The following SLC25A42 variants were observed in gnomAD, a reference collection of about 807,000 sequenced individuals.
SLC25A42 encodes solute carrier family 25 member 42.
In SLC25A42, 19 loss-of-function variants were observed where a neutral mutation model predicts 34.7. The ratio of observed to expected loss-of-function variants is 0.55; its 90% CI spans 0.38 to 0.80. The LOEUF is 0.80. Ranked by LOEUF, SLC25A42 falls within the 30% of genes least tolerant of loss-of-function variation. SLC25A42 has a pLI of 0.00. For missense variants in SLC25A42, 364 were observed against 441.3 expected (o/e 0.82, Z 1.57); for synonymous variants, 205 against 191.2 (o/e 1.07, Z -0.59).
At chr19:19,080,258 G>A (rs1230121280) in intron 1 of SLC25A42, among the ~76,000 whole-genome samples, 1 of 152,144 alleles carries the variant, frequency 6.6e-6, no homozygotes, top group Non-Finnish European at 1.5e-5. Flanking sequence ...CTGCCTTCAA[G>A]TTCACAATGG....
chr19:19,101,781 C>A lies in SLC25A42; in HGVS notation c.82C>A (p.Arg28Ser). The change falls in exon 3 of 8, where the codon CGT becomes AGT. Residue 28 changes from arginine (R) to serine (S), a missense_variant and splice_region_variant. By Grantham distance (110) the Arg-to-Ser change is moderately radical (BLOSUM62 -1). Transcript: ENST00000318596. ...AVLSSSVSSK[R>S]DHRQVLSSLL... ...CCTCTGATCACATGTTCTGTTGCAGCGTGACCACAGGCAAGTGCTCAGCTC... is the reference window on the plus strand; with the variant it reads ...CCTCTGATCACATGTTCTGTTGCAGAGTGACCACAGGCAAGTGCTCAGCTC... 1 of 1,610,452 alleles carries A rather than the reference C, an allele frequency of 6.2e-7. No homozygotes were observed. The highest frequency in any genetic ancestry group is 8.5e-7 in the Non-Finnish European group (1 of 1,178,522).
rs772439531 is a variant in SLC25A42 at position 19,105,706 on chromosome 19, G to A, written c.359G>A (p.Ser120Asn). ...AHEEYKRILG[S>N]YYGFRGEALP... Reference sequence around the variant, plus strand: ...GAGGAGTACAAGCGCATCCTGGGCAGCTACTATGGCTTCCGTGGAGAGTGA... The same window carrying A: ...GAGGAGTACAAGCGCATCCTGGGCAACTACTATGGCTTCCGTGGAGAGTGA... Residue 120 changes from serine (S) to asparagine (N), a missense_variant, in exon 5 of 8, where the codon AGC becomes AAC. Coordinates refer to ENST00000318596, the MANE Select transcript of SLC25A42 (RefSeq NM_178526.5). 5 of 1,595,796 alleles carry A rather than the reference G, an allele frequency of 3.1e-6. No individual in the cohort carries two copies. The highest frequency in any genetic ancestry group is 2.3e-5 in the East Asian group (1 of 44,094).
chr19:19,094,166 C>A (rs768692360), intron 1 of SLC25A42, among the ~76,000 whole-genome samples: 3 of 152,212 alleles, frequency 2.0e-5, no homozygotes, highest in Non-Finnish European at 4.4e-5. Flanking sequence ...AGACTGCACT[C>A]TTTGGAAAGA....
intron 2 of SLC25A42, among the ~76,000 whole-genome samples, chr19:19,097,560 TGCCCATTCTCCTCTGTACTGGCAG>T (rs1204553039): frequency 6.6e-6 from 1 of 152,196 alleles, no homozygotes; most frequent in African/African-American, 2.4e-5. Flanking sequence ...CACACACACA[TGCCCATTCTCCTCTGTACTGGCAG>T]GCCCCAACAA....
chr19:19,088,797 C>CT (rs556351502), intron 1 of SLC25A42, among the ~76,000 whole-genome samples: 3,497 of 146,738 alleles, frequency 0.024, 127 homozygotes, highest in African/African-American at 0.082. Context: ...TGCGCCCGGC[C>CT]TTTTTTTTTT....
Position 19,111,863 on chromosome 19 carries a change from G to T in SLC25A42, c.*987G>T, listed in dbSNP as rs534792991. 2 of 152,354 alleles carry T rather than the reference G, an allele frequency of 1.3e-5. No individual in the cohort carries two copies. Among genetic ancestry groups the T allele is most frequent in the East Asian group, 3.9e-4 (2 of 5,172 alleles). 9.4% of individuals were successfully genotyped at this position (152,354 alleles called of 1,614,324 possible). A position where few individuals can be genotyped will look rare whatever the true frequency, so the allele number is the denominator to read the frequency against. On this transcript the variant is annotated 3_prime_UTR_variant, in exon 8 of 8. Transcript: ENST00000318596. ...ATTTAAAGCCCACAGGGGTTGTTCA[G>T]TTTCTATGAAATGGAGCATGGGGTG...
chr19:19,096,259 AC>A (rs932463241), intron 2 of SLC25A42, 54 bp downstream of exon 2: 25 of 1,097,280 alleles, frequency 2.3e-5, no homozygotes, highest in Non-Finnish European at 2.7e-5. Context: ...CAGCCTCCCC[AC>A]CCCCCCTCCC....
chr19:19,083,486 C>T (rs1301494321), intron 1 of SLC25A42, among the ~76,000 whole-genome samples: 7 of 152,210 alleles, frequency 4.6e-5, no homozygotes, highest in Non-Finnish European at 8.8e-5. Flanking sequence ...GGAAGTCACC[C>T]CAAATGTCAG....
At chr19:19,083,289 C>T (rs939151909) in intron 1 of SLC25A42, among the ~76,000 whole-genome samples, 4 of 152,194 alleles carry the variant, frequency 2.6e-5, no homozygotes, top group African/African-American at 9.7e-5. Context: ...ACATTGGGGC[C>T]ATCCAGATAA....
At position 19,110,945 on chromosome 19, in the gene SLC25A42, G is replaced by T. The variant is rs893260667; in HGVS notation, c.*69G>T. ...TGTATTCTGGGCCCATGGAACGGTG[G>T]GGGGGTGCGCTTGATTCTACTTCAG... On this transcript the variant is annotated 3_prime_UTR_variant, in exon 8 of 8. Transcript: ENST00000318596. The T allele has an allele frequency of 1.0e-5, 16 of 1,554,948 alleles. No individual in the cohort carries two copies. The East Asian group carries it at 2.3e-4, about 22-fold the overall frequency.
In SLC25A42 at chr19:19,085,067, C is replaced by A. The variant is rs2059700380; in HGVS notation, c.-34-11024C>A. On this transcript the variant is annotated intron_variant, in intron 1 of 7. Transcript: ENST00000318596. ...AAGGACCCGGTTGTGGCTTTCGGAT[C>A]CTGCACTGGGGCCTGAGTTCCCTCT... Among the ~76,000 whole-genome samples the A allele has an allele frequency of 3.3e-5, 5 of 152,116 alleles. No individual in the cohort carries two copies. In the South Asian group the frequency reaches 8.3e-4, roughly 25 times the overall value.
chr19:19,094,032 C>T (rs977997894), intron 1 of SLC25A42, among the ~76,000 whole-genome samples: 2 of 152,320 alleles, frequency 1.3e-5, no homozygotes, highest in Admixed American at 6.5e-5. Context: ...AGACCCTAGT[C>T]GTCACACTCC....
At position 19,105,743 on chromosome 19, in the gene SLC25A42, G is replaced by T. The variant is rs977771341; in HGVS notation, c.380+16G>T. On this transcript the variant is annotated intron_variant, in intron 5 of 7. Transcript: ENST00000318596. The stretch of plus-strand genomic sequence containing the variant: ...TCCGTGGAGAGTGAGGCCCCGCCCC[G>T]CCCTGCCACAGAATCGCCCCGCCCA... 6.7e-7 allele frequency: 1 copy of T among 1,495,528 alleles called. No homozygotes were observed. The highest frequency in any genetic ancestry group is 9.0e-7 in the Non-Finnish European group (1 of 1,116,538). 92.6% of individuals were successfully genotyped at this position (1,495,528 alleles called of 1,614,324 possible). A position where few individuals can be genotyped will look rare whatever the true frequency, so the allele number is the denominator to read the frequency against.
At chr19:19,107,316 C>CAAAAA (rs59963919) in intron 6 of SLC25A42, among the ~76,000 whole-genome samples, 6 of 131,738 alleles carry the variant, frequency 4.6e-5, no homozygotes, top group Admixed American at 8.0e-5. Flanking sequence ...ACCCTGTCTC[C>CAAAAA]AAAAAAAAAA....
intron 1 of SLC25A42, among the ~76,000 whole-genome samples, chr19:19,093,023 T>C (rs895107621): frequency 4.6e-5 from 7 of 152,108 alleles, no homozygotes; most frequent in Non-Finnish European, 1.0e-4. Context: ...AGCAGTTTAG[T>C]TTATTTTTAT....
At chr19:19,094,071 A>C (rs1199051516) in intron 1 of SLC25A42, among the ~76,000 whole-genome samples, 1 of 152,182 alleles carries the variant, frequency 6.6e-6, no homozygotes, top group African/African-American at 2.4e-5. Context: ...CACCTGACTT[A>C]TCCCAGCCAG....
At chr19:19,093,883 G>T (rs2145914326) in intron 1 of SLC25A42, among the ~76,000 whole-genome samples, 1 of 152,324 alleles carries the variant, frequency 6.6e-6, no homozygotes, top group South Asian at 2.1e-4. Flanking sequence ...TTGCCAGGTT[G>T]GCCAGGCTGG....
chr19:19,081,558 T>A lies in SLC25A42; in HGVS notation c.-34-14533T>A, dbSNP rs1472135362. Among the ~76,000 whole-genome samples the A allele has an allele frequency of 6.6e-6, 1 of 152,136 alleles. No homozygotes were observed. Among genetic ancestry groups the A allele is most frequent in the African/African-American group, 2.4e-5 (1 of 41,420 alleles). ...GCGTAGGTAGACTACCTGTCCCTTA[T>A]AGTGACAAAGAGGAGAATGCCACTG... On this transcript the variant is annotated intron_variant, in intron 1 of 7. Coordinates refer to ENST00000318596, the MANE Select transcript of SLC25A42 (RefSeq NM_178526.5). This position sits in a 1 kb window ranked among gnomAD's most constrained non-coding sequence, Gnocchi z 4.5.
At chr19:19,096,232 G>A (rs1455936529) in intron 2 of SLC25A42, 27 bp downstream of exon 2, 1 of 1,595,724 alleles carries the variant, frequency 6.3e-7, no homozygotes, top group Non-Finnish European at 8.6e-7. Context: ...CCTGGGATGG[G>A]TGTTCTCCTG....
Sources: gnomAD v4.1 joint callset for allele counts (sites outside exome capture counted in the v4.1 genomes callset) on GRCh38, gnomAD v4.1.1 for gene constraint, Gnocchi (gnomAD v3.1) non-coding constraint, MANE v1.5 for transcripts, NCBI Gene and HGNC (gene_info 2026-07-23, HGNC 2026-07-21) for gene names.